CEP63: variants seen among roughly 807,000 people sequenced by gnomAD.
The protein encoded by CEP63 is centrosomal protein 63.
CEP63 carries 84 observed loss-of-function variants against 89.1 expected under a neutral mutation model. The ratio of observed to expected loss-of-function variants is 0.94; its 90% CI spans 0.79 to 1.13. The LOEUF is 1.13. CEP63 is among the 50% of genes most tolerant of loss of function. CEP63 has a pLI of 0.00. For missense variants in CEP63, 838 were observed against 813.3 expected, an observed-to-expected ratio of 1.03 and a Z score of -0.37; for synonymous variants, 267 against 272.5, an observed-to-expected ratio of 0.98 and a Z score of 0.20.
chr3:134,566,533 T>C (rs1265180283), downstream of CEP63, among the ~76,000 whole-genome samples: 1 of 152,118 alleles, frequency 6.6e-6, no homozygotes, highest in East Asian at 1.9e-4. Context: ...ACCTCTCCCT[T>C]CTGGGGCTGA....
chr3:134,756,401 T>G, the CEP63 span, among the ~76,000 whole-genome samples: 1 of 152,176 alleles, frequency 6.6e-6, no homozygotes, highest in East Asian at 1.9e-4. Context: ...AGGAATGCAG[T>G]GATATGATTA....
chr3:134,608,561 GA>G, the CEP63 span: 3 of 1,610,730 alleles, frequency 1.9e-6, no homozygotes, highest in South Asian at 3.3e-5. Flanking sequence ...GGCATGCCTT[GA>G]AAGCGCAGTC....
At chr3:134,645,519 G>A in the CEP63 span, among the ~76,000 whole-genome samples, 41 of 152,196 alleles carry the variant, frequency 2.7e-4, no homozygotes, top group African/African-American at 9.7e-4. Flanking sequence ...TATGAGAAAA[G>A]GTCAGCTTCA....
At chr3:134,780,160 G>A in the CEP63 span, among the ~76,000 whole-genome samples, 1 of 152,176 alleles carries the variant, frequency 6.6e-6, no homozygotes, top group Non-Finnish European at 1.5e-5. Flanking sequence ...ATCAAATGAG[G>A]TTGTACATTT....
At chr3:134,643,071 G>C in the CEP63 span, among the ~76,000 whole-genome samples, 2 of 152,204 alleles carry the variant, frequency 1.3e-5, no homozygotes, top group Non-Finnish European at 2.9e-5. Flanking sequence ...GATGACAGCA[G>C]CGTGCTCTGA....
chr3:134,550,408 A>G, intron 11 of CEP63, 148 bp downstream of exon 11: 1 of 793,064 alleles, frequency 1.3e-6, no homozygotes, highest in Non-Finnish European at 2.1e-6. Context: ...CAAAGAGTTT[A>G]GTGAGCATGG....
chr3:134,617,452 A>T, the CEP63 span, among the ~76,000 whole-genome samples: 1 of 152,164 alleles, frequency 6.6e-6, no homozygotes, highest in African/African-American at 2.4e-5. Flanking sequence ...GAGAGAGGAG[A>T]TAAAGGCAAA....
the CEP63 span, chr3:134,600,823 C>T: frequency 6.6e-6 from 1 of 152,228 alleles, no homozygotes; most frequent in South Asian, 2.1e-4. Context: ...CCAGGTTGTC[C>T]CCCAGGATGC....
chr3:134,737,234 G>A, the CEP63 span, among the ~76,000 whole-genome samples: 1 of 152,102 alleles, frequency 6.6e-6, no homozygotes, highest in Non-Finnish European at 1.5e-5. Context: ...CATGGCTTTA[G>A]GGTTGGGAAG....
At chr3:134,608,186 G>C in the CEP63 span, 4 of 1,168,696 alleles carry the variant, frequency 3.4e-6, no homozygotes, top group Admixed American at 3.8e-5. Context: ...GCAGGAGTTG[G>C]GGAAGAGAAC....
At chr3:134,565,822 T>C (rs532846014), downstream of CEP63, among the ~76,000 whole-genome samples, 1 of 152,120 alleles carries the variant, frequency 6.6e-6, no homozygotes, top group South Asian at 2.1e-4. Context: ...CAGATTTTTT[T>C]TGTGTGTTTG....
intron 6 of CEP63, among the ~76,000 whole-genome samples, chr3:134,540,939 G>C (rs959955739): frequency 6.6e-6 from 1 of 151,744 alleles, no homozygotes; most frequent in Non-Finnish European, 1.5e-5. Flanking sequence ...TCACCACCAC[G>C]CTCAGCTAAT....
the CEP63 span, chr3:134,625,224 G>T: frequency 1.0e-6 from 1 of 994,316 alleles, no homozygotes; most frequent in Non-Finnish European, 1.6e-6. Context: ...GAGGAGCTGT[G>T]ACTGTCCAAC....
At position 134,486,126 on chromosome 3, in the gene CEP63, T is replaced by C. The variant is rs1935190311; in HGVS notation, c.-102T>C. 4.1e-6 allele frequency: 4 copies of C among 985,430 alleles called. No individual in the cohort carries two copies. The highest frequency in any genetic ancestry group is 4.8e-6 in the Non-Finnish European group (4 of 830,038). The allele number at this position is 985,430 out of a possible 1,614,324, so 61.0% of individuals were successfully genotyped here. A position where few individuals can be genotyped will look rare whatever the true frequency, so the allele number is the denominator to read the frequency against. On this transcript the variant is annotated 5_prime_UTR_variant, in exon 1 of 15. Transcript: ENST00000675561. ...TCAATTATTAAAAGTGTGGGGGCAG[T>C]GGGCGGAACAAACGCGCCGACTACA...
intron 1 of CEP63, among the ~76,000 whole-genome samples, chr3:134,492,589 T>A (rs78636004): frequency 3.3e-5 from 5 of 150,636 alleles, no homozygotes; most frequent in East Asian, 1.9e-4. Context: ...TTTTTTTTTT[T>A]AAACAGGAAT....
intron 1 of CEP63, among the ~76,000 whole-genome samples, chr3:134,491,482 G>A (rs1576687476): frequency 6.6e-6 from 1 of 152,236 alleles, no homozygotes; most frequent in Admixed American, 6.5e-5. Flanking sequence ...TTCAGGTACT[G>A]TTGTCATTTG....
the CEP63 span, among the ~76,000 whole-genome samples, chr3:134,666,380 C>G: frequency 6.6e-6 from 1 of 152,152 alleles, no homozygotes; most frequent in Non-Finnish European, 1.5e-5. Context: ...GTATTTCTAA[C>G]CTGTTCCCAA....
chr3:134,769,773 A>G, the CEP63 span, among the ~76,000 whole-genome samples: 2 of 152,212 alleles, frequency 1.3e-5, no homozygotes, highest in Non-Finnish European at 2.9e-5. Context: ...CCTGGTTGTC[A>G]TCTTACCTCT....
At chr3:134,742,926 A>C in the CEP63 span, among the ~76,000 whole-genome samples, 5 of 152,232 alleles carry the variant, frequency 3.3e-5, no homozygotes, top group Non-Finnish European at 2.9e-5. Flanking sequence ...GTATTCTGTT[A>C]TAGCAGCACA....
Sources: gnomAD v4.1 joint callset for allele counts (sites outside exome capture counted in the v4.1 genomes callset) on GRCh38, gnomAD v4.1.1 for gene constraint, MANE v1.5 for transcripts, NCBI Gene and HGNC (gene_info 2026-07-23, HGNC 2026-07-21) for gene names.